The following CFDP1 variants were observed in gnomAD, a reference collection of about 807,000 sequenced individuals.
CFDP1 encodes chromatin remodeling protein CFDP1.
CFDP1 carries 31 observed loss-of-function variants against 40.1 expected under a neutral mutation model. That is an observed-to-expected ratio of 0.77 (90% confidence interval 0.58 to 1.04). The LOEUF is 1.04. Among genes scored for constraint, CFDP1 ranks in the 50% least tolerant of loss-of-function variants. The probability of loss-of-function intolerance (pLI) is 0.00; values close to 1 mark genes in which losing one functional copy is unlikely to be tolerated. For missense variants in CFDP1, 423 were observed against 343.4 expected (o/e 1.23, Z -1.83); for synonymous variants, 167 against 120.0 (o/e 1.39, Z -2.56).
At chr16:75,309,605 G>A (rs1000775398) in intron 5 of CFDP1, among the ~76,000 whole-genome samples, 7 of 152,190 alleles carry the variant, frequency 4.6e-5, no homozygotes, top group African/African-American at 1.7e-4. Context: ...CGGATCACAA[G>A]GTCAGGAGAT....
rs1597380097 is a variant in CFDP1, at chr16:75,395,111, G to A, written c.629C>T (p.Pro210Leu). 2.5e-6 allele frequency: 4 copies of A among 1,613,914 alleles called. No individual in the cohort carries two copies. Among genetic ancestry groups the A allele is most frequent in the Middle Eastern group, 1.6e-4 (1 of 6,062 alleles). Residue 210 changes from proline (P) to leucine (L), a missense_variant, in exon 5 of 7, where the codon CCA becomes CTA. Coordinates refer to ENST00000283882, the MANE Select transcript of CFDP1 (RefSeq NM_006324.3). ...KPQANVPSAL[P>L]SLPAGSGLKR... is the part of the protein sequence containing the mutation. ...TCACCCTGACCCGGCAGGGAGTGATGGCAGAGCTGAAGGAACATTAGCCTG... is the reference window on the plus strand; with the variant it reads ...TCACCCTGACCCGGCAGGGAGTGATAGCAGAGCTGAAGGAACATTAGCCTG...
chr16:75,378,295 G>T (rs921909099), intron 5 of CFDP1, among the ~76,000 whole-genome samples: 1 of 151,684 alleles, frequency 6.6e-6, no homozygotes, highest in East Asian at 1.9e-4. Flanking sequence ...GTCTCTGCTT[G>T]AACTATGGCA....
At chr16:75,376,108 G>A (rs1177086717) in intron 5 of CFDP1, among the ~76,000 whole-genome samples, 2 of 152,158 alleles carry the variant, frequency 1.3e-5, no homozygotes, top group Non-Finnish European at 2.9e-5. Flanking sequence ...CTACTCGAGA[G>A]GCTGAGGTGG....
At chr16:75,353,979 A>G (rs906305453) in intron 5 of CFDP1, among the ~76,000 whole-genome samples, 6 of 152,066 alleles carry the variant, frequency 3.9e-5, no homozygotes, top group African/African-American at 1.4e-4. Context: ...TTGACTTAGA[A>G]TTTTTTGCCT....
At chr16:75,352,211 C>T (rs930527048) in intron 5 of CFDP1, among the ~76,000 whole-genome samples, 6 of 151,414 alleles carry the variant, frequency 4.0e-5, no homozygotes, top group South Asian at 4.2e-4. Flanking sequence ...CATGGTGGTG[C>T]GTGCCTGTAG....
intron 5 of CFDP1, among the ~76,000 whole-genome samples, chr16:75,313,326 T>C (rs1371878879): frequency 3.3e-5 from 5 of 152,132 alleles, no homozygotes; most frequent in Non-Finnish European, 7.4e-5. Flanking sequence ...CAGGTAGGCA[T>C]GTGAGAGTTT....
At position 75,305,075 on chromosome 16, in the gene CFDP1, TCCTTGAAGCTCTC is replaced by T; in HGVS notation, c.745_757del (p.Glu249ArgfsTer42). On this transcript the variant is annotated frameshift_variant, in exon 6 of 7. Coordinates refer to ENST00000283882, the MANE Select transcript of CFDP1 (RefSeq NM_006324.3). LOFTEE classifies it high-confidence loss of function. ...CAGTTCTTCACCAATCCCCTCTTCC[TCCTTGAAGCTCTC>T]CCAGTCCAGTTTGGACTTCTCAAGG... 1 of 1,614,182 alleles carries T rather than the reference TCCTTGAAGCTCTC, an allele frequency of 6.2e-7. No homozygotes were observed.
intron 5 of CFDP1, among the ~76,000 whole-genome samples, chr16:75,324,407 T>C (rs991457353): frequency 1.3e-5 from 2 of 152,224 alleles, no homozygotes; most frequent in Admixed American, 6.5e-5. Flanking sequence ...TCTTGTGTTA[T>C]GAAAAAAACT....
chr16:75,330,620 T>C (rs1450047010), intron 5 of CFDP1, among the ~76,000 whole-genome samples: 2 of 152,094 alleles, frequency 1.3e-5, no homozygotes, highest in Non-Finnish European at 1.5e-5. Context: ...TGATGAAAGT[T>C]TGGCTTCAGG....
chr16:75,401,115 A>T (rs1180793499), intron 4 of CFDP1, among the ~76,000 whole-genome samples: 1 of 151,622 alleles, frequency 6.6e-6, no homozygotes, highest in East Asian at 1.9e-4. Context: ...CAACATGGTG[A>T]AACCCTGTCT....
chr16:75,322,845 T>C (rs2078374535), intron 5 of CFDP1, among the ~76,000 whole-genome samples: 1 of 151,662 alleles, frequency 6.6e-6, no homozygotes, highest in Non-Finnish European at 1.5e-5. Flanking sequence ...GTATAAAAGA[T>C]AAAAAAAGGT....
At chr16:75,328,586 T>C (rs1336581984) in intron 5 of CFDP1, among the ~76,000 whole-genome samples, 2 of 74,808 alleles carry the variant, frequency 2.7e-5, no homozygotes, top group Non-Finnish European at 4.9e-5. Flanking sequence ...GCGACAAGAA[T>C]GAAACTCTGT....
At chr16:75,370,558 AAATAAT>A (rs545900601) in intron 5 of CFDP1, among the ~76,000 whole-genome samples, 2 of 152,106 alleles carry the variant, frequency 1.3e-5, no homozygotes, top group Non-Finnish European at 2.9e-5. Context: ...AAGTATAATA[AAATAAT>A]AATAATAATA....
intron 4 of CFDP1, among the ~76,000 whole-genome samples, chr16:75,396,953 G>A (rs958651315): frequency 6.6e-6 from 1 of 151,880 alleles, no homozygotes; most frequent in East Asian, 2.0e-4. Flanking sequence ...TCGCTCTGTC[G>A]CCTAGGCTGG....
intron 5 of CFDP1, among the ~76,000 whole-genome samples, chr16:75,332,951 G>A (rs1372822247): frequency 6.7e-6 from 1 of 150,318 alleles, no homozygotes; most frequent in African/African-American, 2.4e-5. Context: ...AGGATTACAG[G>A]GCCCTGCCAC....
chr16:75,321,545 T>C (rs2078363565), intron 5 of CFDP1, among the ~76,000 whole-genome samples: 1 of 152,210 alleles, frequency 6.6e-6, no homozygotes, highest in South Asian at 2.1e-4. Flanking sequence ...TGCCTTATTC[T>C]GTTATTGTTT....
At chr16:75,301,234 G>A (rs1386330547) in intron 6 of CFDP1, among the ~76,000 whole-genome samples, 2 of 152,142 alleles carry the variant, frequency 1.3e-5, no homozygotes, top group Admixed American at 6.6e-5. Context: ...TATATATGAA[G>A]AAAATGGGGC....
rs371540883 is a variant in CFDP1 at position 75,293,913 on chromosome 16, G to A, written c.*39C>T. Reference sequence around the variant, plus strand: ...CACAGACGCACAAAAAGCTCACATTGTAAACAGGATTAAGCTGCTCTTGAT... The same window carrying A: ...CACAGACGCACAAAAAGCTCACATTATAAACAGGATTAAGCTGCTCTTGAT... On this transcript the variant is annotated 3_prime_UTR_variant, in exon 7 of 7. Coordinates refer to ENST00000283882, the MANE Select transcript of CFDP1 (RefSeq NM_006324.3). 7.6e-5 allele frequency: 116 copies of A among 1,522,142 alleles called. No individual in the cohort carries two copies. In the African/African-American group the frequency reaches 1.3e-3, roughly 16 times the overall value. 94.3% of individuals were successfully genotyped at this position (1,522,142 alleles called of 1,614,324 possible). A position where few individuals can be genotyped will look rare whatever the true frequency, so the allele number is the denominator to read the frequency against.
chr16:75,369,568 T>C (rs1234791595), intron 5 of CFDP1, among the ~76,000 whole-genome samples: 1 of 152,208 alleles, frequency 6.6e-6, no homozygotes, highest in Non-Finnish European at 1.5e-5. Flanking sequence ...CAGAGACGTA[T>C]GTGTCCACAC....
Sources: allele counts gnomAD v4.1 joint callset (sites outside exome capture counted in the v4.1 genomes callset), GRCh38; gene constraint gnomAD v4.1.1; transcripts MANE v1.5; gene names NCBI Gene and HGNC (gene_info 2026-07-23, HGNC 2026-07-21).